COLEC10: variants seen among roughly 807,000 people sequenced by gnomAD.
COLEC10 encodes the protein collectin-10.
Under a neutral mutation model 28.4 loss-of-function variants are expected in COLEC10, and 22 were observed. The observed-to-expected ratio is 0.78, with a 90% CI of 0.55 to 1.11. The LOEUF is 1.11. Ranked by LOEUF, COLEC10 falls within the 50% of genes least tolerant of loss-of-function variation. The pLI is 0.00. For synonymous variants in COLEC10, 125 were observed against 116.1 expected, an observed-to-expected ratio of 1.08 and a Z score of -0.49; for missense variants, 361 against 344.1, an observed-to-expected ratio of 1.05 and a Z score of -0.39.
chr8:118,976,821 A>C, the COLEC10 span, among the ~76,000 whole-genome samples: 2 of 152,164 alleles, frequency 1.3e-5, no homozygotes, highest in African/African-American at 4.8e-5. Flanking sequence ...CAACCTACAA[A>C]ATGGGAGAAA....
the COLEC10 span, among the ~76,000 whole-genome samples, chr8:118,971,765 G>C: frequency 2.6e-4 from 39 of 152,002 alleles, no homozygotes; most frequent in African/African-American, 8.9e-4. Context: ...GATTTCAGAG[G>C]TAGCAGAAGA....
At chr8:119,064,576 C>T (rs1814918718), upstream of COLEC10, among the ~76,000 whole-genome samples, 2 of 152,170 alleles carry the variant, frequency 1.3e-5, no homozygotes, top group Non-Finnish European at 2.9e-5. Flanking sequence ...ATGTGATTTG[C>T]TCTATGTCAC....
intron 2 of COLEC10, among the ~76,000 whole-genome samples, chr8:119,031,499 A>G (rs1222012860): frequency 6.6e-6 from 1 of 152,238 alleles, no homozygotes; most frequent in Non-Finnish European, 1.5e-5. Context: ...GTCTTGAAGA[A>G]CAAGTAGAAG....
chr8:119,020,354 G>C (rs1395001295), intron 2 of COLEC10, among the ~76,000 whole-genome samples: 2 of 152,072 alleles, frequency 1.3e-5, no homozygotes, highest in African/African-American at 4.8e-5. Context: ...TACTGTTTTA[G>C]GTGCTTAGAA....
At chr8:119,008,239 T>G (rs968007048) in intron 1 of COLEC10, among the ~76,000 whole-genome samples, 1 of 150,836 alleles carries the variant, frequency 6.6e-6, no homozygotes, top group Middle Eastern at 3.4e-3. Context: ...CTCTAATTAA[T>G]TGTAAGCAGT....
At chr8:119,083,938 C>T (rs923406315) in intron 1 of COLEC10, among the ~76,000 whole-genome samples, 3 of 152,118 alleles carry the variant, frequency 2.0e-5, no homozygotes, top group Non-Finnish European at 4.4e-5. Flanking sequence ...TTCAGAGCAA[C>T]GTTGCCAGGG....
intron 2 of COLEC10, among the ~76,000 whole-genome samples, chr8:119,038,312 A>C (rs1163930779): frequency 1.3e-5 from 2 of 152,230 alleles, no homozygotes. Context: ...ATACTTGGTA[A>C]AATATTTACT....
chr8:118,964,537 GT>G, the COLEC10 span, among the ~76,000 whole-genome samples: 1 of 152,152 alleles, frequency 6.6e-6, no homozygotes, highest in Non-Finnish European at 1.5e-5. Flanking sequence ...TTAACAAAGA[GT>G]TTTGAGGAAC....
chr8:119,055,227 A>G (rs1814741181), intron 2 of COLEC10, among the ~76,000 whole-genome samples: 1 of 152,022 alleles, frequency 6.6e-6, no homozygotes. Flanking sequence ...TCAACCACTC[A>G]CTGTTCAGTG....
intron 1 of COLEC10, among the ~76,000 whole-genome samples, chr8:119,072,121 A>G (rs1408066849): frequency 6.6e-6 from 1 of 152,202 alleles, no homozygotes; most frequent in African/African-American, 2.4e-5. Flanking sequence ...GCTTCTGAGG[A>G]CACTGTGATT....
At position 119,067,377 on chromosome 8, in the gene COLEC10, C is replaced by T; in HGVS notation, c.96C>T (p.Ser32=). The change falls in exon 1 of 6, where the codon AGC becomes AGT. Residue 32 remains serine, a synonymous_variant. Coordinates refer to ENST00000332843, the MANE Select transcript of COLEC10 (RefSeq NM_006438.5). Reference sequence around the variant, plus strand: ...AGAGTCTGGGTCTGGATATTGATAGCCGTCCTACCGCTGAAGTCTGTGCCA... The same window carrying T: ...AGAGTCTGGGTCTGGATATTGATAGTCGTCCTACCGCTGAAGTCTGTGCCA... ...QIQSLGLDID[S]RPTAEVCATH... is the part of the protein sequence containing the mutation. 3.1e-6 allele frequency: 5 copies of T among 1,614,006 alleles called. No homozygotes were observed. Among genetic ancestry groups the T allele is most frequent in the Non-Finnish European group, 4.2e-6 (5 of 1,179,940 alleles).
chr8:118,968,999 A>G, the COLEC10 span, among the ~76,000 whole-genome samples: 12 of 152,196 alleles, frequency 7.9e-5, no homozygotes, highest in South Asian at 2.3e-3. Context: ...GAGGTTTCAC[A>G]TAATTGATTA....
chr8:118,963,174 A>G, the COLEC10 span, among the ~76,000 whole-genome samples: 1 of 152,216 alleles, frequency 6.6e-6, no homozygotes, highest in African/African-American at 2.4e-5. Flanking sequence ...GAGTTACCAA[A>G]TAAAGTGATA....
At chr8:119,052,576 T>TC (rs1226804359) in intron 2 of COLEC10, among the ~76,000 whole-genome samples, 1 of 152,058 alleles carries the variant, frequency 6.6e-6, no homozygotes, top group African/African-American at 2.4e-5. Flanking sequence ...CTCTTAAAGT[T>TC]CCCCATGTCT....
intron 1 of COLEC10, among the ~76,000 whole-genome samples, chr8:118,997,843 C>A (rs895567159): frequency 6.6e-6 from 1 of 152,046 alleles, no homozygotes; most frequent in Non-Finnish European, 1.5e-5. Context: ...AAGGCATGCA[C>A]CTGGAGCTTC....
chr8:119,032,241 G>T (rs1346453043), intron 2 of COLEC10, among the ~76,000 whole-genome samples: 1 of 152,204 alleles, frequency 6.6e-6, no homozygotes, highest in Non-Finnish European at 1.5e-5. Context: ...TGAGGGGTGG[G>T]TTGCTAATGC....
chr8:119,091,540 G>A (rs1341104081), intron 3 of COLEC10, among the ~76,000 whole-genome samples: 5 of 150,588 alleles, frequency 3.3e-5, no homozygotes, highest in African/African-American at 1.2e-4. Context: ...GGGTGACACA[G>A]TAAGACCCTG....
At chr8:119,084,910 A>G (rs915781679) in intron 1 of COLEC10, among the ~76,000 whole-genome samples, 4 of 152,214 alleles carry the variant, frequency 2.6e-5, no homozygotes, top group Non-Finnish European at 4.4e-5. Flanking sequence ...TGATTATATA[A>G]TAGAGATTGA....
intron 1 of COLEC10, among the ~76,000 whole-genome samples, chr8:119,070,249 G>A (rs1385137177): frequency 6.6e-6 from 1 of 152,080 alleles, no homozygotes; most frequent in African/African-American, 2.4e-5. Flanking sequence ...TGAACTTTAA[G>A]CTGTACAGAC....
Sources: allele counts gnomAD v4.1 joint callset (sites outside exome capture counted in the v4.1 genomes callset), GRCh38; gene constraint gnomAD v4.1.1; transcripts MANE v1.5; gene names NCBI Gene and HGNC (gene_info 2026-07-23, HGNC 2026-07-21).